Variants in ZSCAN5A observed in about 807,000 individuals in gnomAD.
ZSCAN5A encodes zinc finger and SCAN domain-containing protein 5A.
ZSCAN5A carries 12 observed loss-of-function variants against 23.7 expected under a neutral mutation model. The observed-to-expected ratio is 0.51, with a 90% CI of 0.32 to 0.82. The LOEUF (loss-of-function observed/expected upper bound fraction) is 0.82, where lower values mean the gene tolerates loss of function less well. Ranked by LOEUF, ZSCAN5A falls within the 40% of genes least tolerant of loss-of-function variation. The probability of loss-of-function intolerance (pLI) is 0.03; values close to 1 mark genes in which losing one functional copy is unlikely to be tolerated. For missense variants in ZSCAN5A, 597 were observed against 617.9 expected (o/e 0.97, Z 0.36); for synonymous variants, 257 against 239.9 (o/e 1.07, Z -0.66).
At chr19:56,301,090 C>T (rs527756415) in intron 2 of ZSCAN5A, among the ~76,000 whole-genome samples, 2 of 152,124 alleles carry the variant, frequency 1.3e-5, no homozygotes, top group Admixed American at 1.3e-4. Context: ...CGATCAAGAC[C>T]CCCAGAGAGG....
chr19:56,324,474 G>A (rs1302239301), intron 2 of ZSCAN5A, among the ~76,000 whole-genome samples: 1 of 151,974 alleles, frequency 6.6e-6, no homozygotes, highest in Non-Finnish European at 1.5e-5. Flanking sequence ...TTATCAGAAA[G>A]CCAAAAAATA....
chr19:56,277,180 T>C (rs1337725609), intron 2 of ZSCAN5A, among the ~76,000 whole-genome samples: 2 of 152,186 alleles, frequency 1.3e-5, no homozygotes, highest in African/African-American at 2.4e-5. Flanking sequence ...AATTCCGCTC[T>C]AGGTATGTGC....
upstream of ZSCAN5A, chr19:56,316,773 C>T (rs1451148032): frequency 6.6e-6 from 1 of 152,370 alleles, no homozygotes; most frequent in East Asian, 1.9e-4. Context: ...TTCTCTGCCA[C>T]TAATGATCAT....
rs762551023 is a variant in ZSCAN5A, at chr19:56,222,229, T to C, written c.837A>G (p.Arg279=). 9.3e-6 allele frequency: 15 copies of C among 1,613,844 alleles called. No individual in the cohort carries two copies. The highest frequency in any genetic ancestry group is 2.2e-5 in the South Asian group (2 of 91,086). Residue 279 remains arginine (R), a synonymous_variant, in exon 6 of 6, where the codon AGA becomes AGG. Coordinates refer to ENST00000683990, the MANE Select transcript of ZSCAN5A (RefSeq NM_001322064.3). ...ADTPSACVVE[R]EASTHSGNRG... is the part of the protein sequence containing the mutation. ...TGTTCCCGCTGTGAGTCGAAGCTTC[T>C]CTCTCCACAACGCAGGCAGAAGGTG...
chr19:56,301,491 C>T (rs149075955), intron 2 of ZSCAN5A, among the ~76,000 whole-genome samples: 178 of 152,250 alleles, frequency 1.2e-3, no homozygotes, highest in African/African-American at 3.8e-3. Context: ...ATCTTGGTTT[C>T]GGTGGGTTTT....
chr19:56,271,652 CATAG>C (rs1231926926), intron 2 of ZSCAN5A, among the ~76,000 whole-genome samples: 2 of 152,174 alleles, frequency 1.3e-5, no homozygotes, highest in Non-Finnish European at 2.9e-5. Context: ...GGGATTGAAA[CATAG>C]ATAGCACCAG....
At chr19:56,296,790 T>G (rs2039905199) in intron 2 of ZSCAN5A, among the ~76,000 whole-genome samples, 1 of 152,160 alleles carries the variant, frequency 6.6e-6, no homozygotes, top group Non-Finnish European at 1.5e-5. Context: ...TCCCAGCACT[T>G]TGGGAGGCCG....
intron 2 of ZSCAN5A, chr19:56,246,210 C>G (rs1391004945): frequency 1.0e-5 from 2 of 191,988 alleles, no homozygotes; most frequent in Non-Finnish European, 2.1e-5. Context: ...TATCCCTAAA[C>G]CTGTGTCATT....
In ZSCAN5A at chr19:56,225,026, G is replaced by T; in HGVS notation, c.21C>A (p.Ser7=). ...TGCAGGATTCTCCTAGACTCCATGA[G>T]GATGTGCAATTTGCAGCCATATCTA... The part of the protein sequence containing the change: MAANCT[S]SWSLGESCNR... The change falls in exon 3 of 6, where the codon TCC becomes TCA. Residue 7 remains serine (S), a synonymous_variant. Transcript: ENST00000683990. 1 of 1,602,022 alleles carries T rather than the reference G, an allele frequency of 6.2e-7. No individual in the cohort carries two copies. The highest frequency in any genetic ancestry group is 8.5e-7 in the Non-Finnish European group (1 of 1,172,396).
At chr19:56,349,472 G>A (rs990088081) in intron 2 of ZSCAN5A, among the ~76,000 whole-genome samples, 1 of 152,006 alleles carries the variant, frequency 6.6e-6, no homozygotes, top group Admixed American at 6.6e-5. Context: ...CGAGACGGGC[G>A]GATTACGAGG....
chr19:56,301,828 G>C (rs898702486), intron 2 of ZSCAN5A: 2 of 958,172 alleles, frequency 2.1e-6, no homozygotes, highest in Admixed American at 4.3e-5. Flanking sequence ...CAGTGATGGT[G>C]GGTGTGGACC....
chr19:56,248,556 T>C (rs1402518310), intron 2 of ZSCAN5A, among the ~76,000 whole-genome samples: 2 of 152,078 alleles, frequency 1.3e-5, no homozygotes, highest in Admixed American at 6.5e-5. Flanking sequence ...GCATCCTGTA[T>C]TGTTTGTATT....
chr19:56,229,671 C>G (rs1029215282), intron 2 of ZSCAN5A, among the ~76,000 whole-genome samples: 1 of 152,094 alleles, frequency 6.6e-6, no homozygotes, highest in African/African-American at 2.4e-5. Flanking sequence ...TGGAAGAGAC[C>G]GCATCGAATC....
intron 2 of ZSCAN5A, among the ~76,000 whole-genome samples, chr19:56,308,043 CT>C (rs879496603): frequency 6.6e-6 from 1 of 151,406 alleles, no homozygotes; most frequent in Admixed American, 6.6e-5. Context: ...CATATTAAAC[CT>C]TTTTTTTTGA....
intron 2 of ZSCAN5A, among the ~76,000 whole-genome samples, chr19:56,335,811 C>T (rs2041529989): frequency 6.6e-6 from 1 of 152,138 alleles, no homozygotes; most frequent in African/African-American, 2.4e-5. Context: ...ATTTGCTTGT[C>T]TGTAAAGTAT....
intron 2 of ZSCAN5A, among the ~76,000 whole-genome samples, chr19:56,242,788 T>A (rs992691422): frequency 1.6e-4 from 25 of 152,020 alleles, no homozygotes; most frequent in Non-Finnish European, 2.1e-4. Context: ...TTTCTCTCTT[T>A]TTTTTTTGAG....
chr19:56,250,902 G>A (rs1385864140), intron 2 of ZSCAN5A, among the ~76,000 whole-genome samples: 2 of 152,234 alleles, frequency 1.3e-5, no homozygotes, highest in East Asian at 3.9e-4. Context: ...ACTGATCCCA[G>A]CACTTTGGGA....
intron 2 of ZSCAN5A, among the ~76,000 whole-genome samples, chr19:56,256,386 G>GT (rs2036693764): frequency 6.6e-6 from 1 of 152,102 alleles, no homozygotes; most frequent in Non-Finnish European, 1.5e-5. Flanking sequence ...TAGAGACAGA[G>GT]TTCTGTCATG....
At chr19:56,324,475 C>G (rs2041414110) in intron 2 of ZSCAN5A, among the ~76,000 whole-genome samples, 1 of 151,748 alleles carries the variant, frequency 6.6e-6, no homozygotes, top group African/African-American at 2.4e-5. Flanking sequence ...TATCAGAAAG[C>G]CAAAAAATAA....
Sources: gnomAD v4.1 joint callset for allele counts (sites outside exome capture counted in the v4.1 genomes callset) on GRCh38, gnomAD v4.1.1 for gene constraint, MANE v1.5 for transcripts, NCBI Gene and HGNC (gene_info 2026-07-23, HGNC 2026-07-21) for gene names.